The following LDB2 variants were observed in gnomAD, a reference collection of about 807,000 sequenced individuals.
LDB2 encodes LIM domain-binding protein 2.
A neutral mutation model predicts 44.3 loss-of-function variants in LDB2; 12 were observed. That is an observed-to-expected ratio of 0.27 (90% confidence interval 0.17 to 0.44). The LOEUF (loss-of-function observed/expected upper bound fraction) is 0.44. Among genes scored for constraint, LDB2 ranks in the 20% least tolerant of loss-of-function variants. The probability of loss-of-function intolerance (pLI) is 1.00; values close to 1 mark genes in which losing one functional copy is unlikely to be tolerated. For synonymous variants in LDB2, 164 were observed against 174.8 expected (o/e 0.94, Z 0.49); for missense variants, 344 against 473.5 (o/e 0.73, Z 2.54).
At chr4:16,798,075 T>A (rs115234033) in intron 1 of LDB2, among the ~76,000 whole-genome samples, 101 of 151,914 alleles carry the variant, frequency 6.6e-4, no homozygotes, top group African/African-American at 2.3e-3. Context: ...TTAGGCAAAT[T>A]ATTTTATTTA....
chr4:16,573,487 A>C (rs569686704), intron 5 of LDB2, among the ~76,000 whole-genome samples: 1 of 152,310 alleles, frequency 6.6e-6, no homozygotes, highest in East Asian at 1.9e-4. Flanking sequence ...AGTCTACCTG[A>C]CAATGCCGAA....
chr4:16,881,221 G>A (rs1720002678), intron 1 of LDB2, among the ~76,000 whole-genome samples: 1 of 152,238 alleles, frequency 6.6e-6, no homozygotes, highest in African/African-American at 2.4e-5. Flanking sequence ...GTTCAGCTCT[G>A]AACTTGGGAA....
intron 2 of LDB2, among the ~76,000 whole-genome samples, chr4:16,665,473 G>T (rs1742835073): frequency 6.6e-6 from 1 of 152,042 alleles, no homozygotes; most frequent in Non-Finnish European, 1.5e-5. Context: ...CACCATGTTG[G>T]CCAGGATGGC....
chr4:16,508,600 C>T lies in LDB2; in HGVS notation c.826G>A (p.Ala276Thr). The change falls in exon 7 of 8, where the codon GCA becomes ACA. Residue 276 changes from alanine (A) to threonine (T), a missense_variant. Around this residue, in one of 3 missense-constraint regions of LDB2, gnomAD observed 86 missense variants for 171.2 expected, o/e 0.50. Coordinates refer to ENST00000304523, the MANE Select transcript of LDB2 (RefSeq NM_001290.5). ...STSNSSAGNN[A>T]NSTGSKKKTT... ...TTCTTCTTGCTGCCAGTGCTGTTTGCATTGTTCCCAGCGCTGCTGTTGGAA... is the reference window on the plus strand; with the variant it reads ...TTCTTCTTGCTGCCAGTGCTGTTTGTATTGTTCCCAGCGCTGCTGTTGGAA... 4.3e-6 allele frequency: 7 copies of T among 1,613,588 alleles called. No individual in the cohort carries two copies. Among genetic ancestry groups the T allele is most frequent in the Non-Finnish European group, 5.9e-6 (7 of 1,179,758 alleles).
intron 2 of LDB2, among the ~76,000 whole-genome samples, chr4:16,630,181 C>G (rs566749306): frequency 6.6e-6 from 1 of 152,222 alleles, no homozygotes; most frequent in South Asian, 2.1e-4. Flanking sequence ...TTAAAGGCAG[C>G]CAGAGATAAA....
intron 2 of LDB2, among the ~76,000 whole-genome samples, chr4:16,677,468 G>GT (rs1746629903): frequency 1.3e-5 from 2 of 152,180 alleles, no homozygotes; most frequent in South Asian, 4.1e-4. Flanking sequence ...GTGACCAGAG[G>GT]TAGGTAACAC....
At chr4:16,853,444 A>G (rs1788680053) in intron 1 of LDB2, among the ~76,000 whole-genome samples, 1 of 152,176 alleles carries the variant, frequency 6.6e-6, no homozygotes, top group African/African-American at 2.4e-5. Flanking sequence ...ACCACCTCAC[A>G]TCTGTTAGGG....
At chr4:16,816,392 ATTTTCT>A (rs1482537387) in intron 1 of LDB2, among the ~76,000 whole-genome samples, 3 of 132,872 alleles carry the variant, frequency 2.3e-5, no homozygotes, top group African/African-American at 8.5e-5. Flanking sequence ...TTTAGTTCTT[ATTTTCT>A]TTTTCTTTCT....
intron 2 of LDB2, among the ~76,000 whole-genome samples, chr4:16,743,965 A>G (rs999669255): frequency 1.3e-5 from 2 of 152,204 alleles, no homozygotes; most frequent in African/African-American, 2.4e-5. Flanking sequence ...TTTTTTACAC[A>G]TCACTAAAAT....
chr4:16,575,675 T>C (rs1577899598), intron 5 of LDB2, among the ~76,000 whole-genome samples: 1 of 152,336 alleles, frequency 6.6e-6, no homozygotes, highest in East Asian at 1.9e-4. Flanking sequence ...TACAAATACA[T>C]GAAAATGAGA....
At chr4:16,602,544 G>A (rs149857394) in intron 2 of LDB2, among the ~76,000 whole-genome samples, 153 of 152,246 alleles carry the variant, frequency 1.0e-3, no homozygotes, top group African/African-American at 3.4e-3. Context: ...AATGGCTTCC[G>A]TTTTATCCTT....
At chr4:16,513,092 C>T (rs975122846) in intron 5 of LDB2, among the ~76,000 whole-genome samples, 1 of 152,170 alleles carries the variant, frequency 6.6e-6, no homozygotes, top group Admixed American at 6.5e-5. Context: ...CAGTCTTCAG[C>T]GTCATCAGCC....
chr4:16,655,896 C>CTTTTTTTTTTTTTTTTTTT lies in LDB2; in HGVS notation c.236-60040_236-60022dup, dbSNP rs747097456. ...AAACGTTGGTTGTTCTGCAAGAAAA[C>CTTTTTTTTTTTTTTTTTTT]TTTTTTTTTTTTTTTTTTTTTGAGA... On this transcript the variant is annotated intron_variant, in intron 2 of 7. Transcript: ENST00000304523. 6.4e-5 allele frequency among the ~76,000 whole-genome samples: 6 copies of CTTTTTTTTTTTTTTTTTTT among 93,312 alleles called. 1 individual carries two copies. The highest frequency in any genetic ancestry group is 2.6e-4 in the African/African-American group (6 of 22,782). The allele number at this position is 93,312 out of a possible 152,430, so 61.2% of individuals were successfully genotyped here.
At chr4:16,550,142 T>TAAGA (rs1737162299) in intron 5 of LDB2, among the ~76,000 whole-genome samples, 1 of 152,236 alleles carries the variant, frequency 6.6e-6, no homozygotes, top group Non-Finnish European at 1.5e-5. Flanking sequence ...TCCTTATCTG[T>TAAGA]AAGATGGGAT....
chr4:16,517,569 G>A (rs1191390638), intron 5 of LDB2, among the ~76,000 whole-genome samples: 1 of 152,134 alleles, frequency 6.6e-6, no homozygotes, highest in Non-Finnish European at 1.5e-5. Context: ...TCCTGGGGTA[G>A]TACCGGAGTG....
intron 2 of LDB2, among the ~76,000 whole-genome samples, chr4:16,630,376 C>T (rs1731576114): frequency 6.6e-6 from 1 of 152,180 alleles, no homozygotes; most frequent in African/African-American, 2.4e-5. Flanking sequence ...CCTTTACAGA[C>T]AAGCAAATGC....
intron 5 of LDB2, among the ~76,000 whole-genome samples, chr4:16,575,346 A>C (rs1424792255): frequency 6.6e-6 from 1 of 152,180 alleles, no homozygotes; most frequent in Non-Finnish European, 1.5e-5. Flanking sequence ...GTCATGTAAA[A>C]CATAATGCTT....
At position 16,714,702 on chromosome 4, in the gene LDB2, C is replaced by A. The variant is rs1448934254; in HGVS notation, c.235+44456G>T. On this transcript the variant is annotated intron_variant, in intron 2 of 7. Transcript: ENST00000304523. ...ATAAAAATTTTGGCTGGATTGATTT[C>A]ATCTGGAAGTTCTGAGAGAGCATCT... Among the ~76,000 whole-genome samples, 12 of 152,232 alleles carry A rather than the reference C, an allele frequency of 7.9e-5. No individual in the cohort carries two copies. The East Asian group carries it at 1.9e-3, about 25-fold the overall frequency.
At chr4:16,703,550 T>G (rs1753967510) in intron 2 of LDB2, among the ~76,000 whole-genome samples, 1 of 152,246 alleles carries the variant, frequency 6.6e-6, no homozygotes, top group Non-Finnish European at 1.5e-5. Context: ...GCCGATTGGC[T>G]GTACGGCCCT....
Sources: gnomAD v4.1 joint callset for allele counts (sites outside exome capture counted in the v4.1 genomes callset) on GRCh38, gnomAD v4.1.1 for gene constraint, gnomAD v4.1.1 regional missense constraint, MANE v1.5 for transcripts, NCBI Gene and HGNC (gene_info 2026-07-23, HGNC 2026-07-21) for gene names.